The following ADGRL2 variants were observed in gnomAD, a reference collection of about 807,000 sequenced individuals.
ADGRL2 encodes the protein calcium-independent alpha-latrotoxin receptor 2.
A neutral mutation model predicts 157.4 loss-of-function variants in ADGRL2; 44 were observed. The ratio of observed to expected loss-of-function variants is 0.28; its 90% CI spans 0.22 to 0.36. ADGRL2 has a LOEUF of 0.36. Ranked by LOEUF, ADGRL2 falls within the 10% of genes least tolerant of loss-of-function variation. The pLI is 1.00. For synonymous variants in ADGRL2, 585 were observed against 624.7 expected (o/e 0.94, Z 0.95); for missense variants, 1,510 against 1,768.9 (o/e 0.85, Z 2.63).
chr1:81,639,486 T>C (rs1557527574), intron 3 of ADGRL2, among the ~76,000 whole-genome samples: 1 of 143,854 alleles, frequency 7.0e-6, no homozygotes, highest in Non-Finnish European at 1.5e-5. Flanking sequence ...GGAGAACTGC[T>C]TGAGGCCAGG....
chr1:81,471,797 T>G (rs973234864), intron 2 of ADGRL2, among the ~76,000 whole-genome samples: 3 of 152,216 alleles, frequency 2.0e-5, no homozygotes, highest in Non-Finnish European at 2.9e-5. Flanking sequence ...AATTTTATAT[T>G]TCATTTTAAA....
At chr1:81,368,162 C>T (rs1023748027) in intron 1 of ADGRL2, among the ~76,000 whole-genome samples, 4 of 152,262 alleles carry the variant, frequency 2.6e-5, no homozygotes, top group African/African-American at 9.6e-5. Flanking sequence ...AAAAGTGTTC[C>T]TTTTCCTCCA....
Position 81,936,319 on chromosome 1 carries a change from A to G in ADGRL2, c.288-409A>G, listed in dbSNP as rs376738629. On this transcript the variant is annotated intron_variant, in intron 3 of 23. Coordinates refer to ENST00000686636, the MANE Select transcript of ADGRL2 (RefSeq NM_001366006.2). ...GGTTTTGACTCTTACGTTTCTGTTT[A>G]GTTATAGGACCATTTTTAAAAATTG... Among the ~76,000 whole-genome samples the G allele has an allele frequency of 2.2e-4, 33 of 152,014 alleles. No homozygotes were observed. In the East Asian group the frequency reaches 5.6e-3, roughly 26 times the overall value.
chr1:81,786,883 G>C (rs147398741), intron 2 of ADGRL2, among the ~76,000 whole-genome samples: 172 of 152,226 alleles, frequency 1.1e-3, no homozygotes, highest in African/African-American at 3.8e-3. Flanking sequence ...CTGTGATATG[G>C]TTTGGCTCTG....
intron 3 of ADGRL2, among the ~76,000 whole-genome samples, chr1:81,641,116 G>A (rs2082210978): frequency 6.6e-6 from 1 of 152,092 alleles, no homozygotes; most frequent in Admixed American, 6.6e-5. Context: ...ATGAAGTGTT[G>A]CCTGATTCTA....
chr1:81,924,178 G>A (rs546011731), intron 3 of ADGRL2, among the ~76,000 whole-genome samples: 1 of 152,250 alleles, frequency 6.6e-6, no homozygotes, highest in South Asian at 2.1e-4. Flanking sequence ...ATATAACAGG[G>A]AGATCCTGTT....
intron 1 of ADGRL2, among the ~76,000 whole-genome samples, chr1:81,398,629 C>T (rs2076698332): frequency 6.6e-6 from 1 of 152,054 alleles, no homozygotes; most frequent in South Asian, 2.1e-4. Context: ...TTATTTATCC[C>T]TCTTTCTGAA....
intron 1 of ADGRL2, among the ~76,000 whole-genome samples, chr1:81,423,676 A>G (rs1269046968): frequency 1.3e-5 from 2 of 152,210 alleles, no homozygotes; most frequent in African/African-American, 4.8e-5. Flanking sequence ...TTATACACAT[A>G]TATGTACTGT....
chr1:81,858,613 G>A (rs565227090), intron 2 of ADGRL2, among the ~76,000 whole-genome samples: 8 of 152,144 alleles, frequency 5.3e-5, no homozygotes, highest in Non-Finnish European at 7.4e-5. Flanking sequence ...AGCTTCCACC[G>A]ACTGCACAGG....
At chr1:81,816,679 TA>T (rs1352511312) in intron 1 of ADGRL2, among the ~76,000 whole-genome samples, 5 of 151,944 alleles carry the variant, frequency 3.3e-5, no homozygotes, top group Admixed American at 6.6e-5. Flanking sequence ...CCTCCATAGT[TA>T]AAAAGATGTT....
chr1:81,338,212 A>G lies in ADGRL2; in HGVS notation c.-302+31703A>G, dbSNP rs562227985. On this transcript the variant is annotated intron_variant, in intron 1 of 24. Transcript: ENST00000370721. The stretch of plus-strand genomic sequence containing the variant: ...ATCCTGTCTTTACTAAAAATACAAA[A>G]ATTAGCTGGACTCTGTGGTGCCAGC... Among the ~76,000 whole-genome samples, 5 of 152,094 alleles carry G rather than the reference A, an allele frequency of 3.3e-5. No homozygotes were observed. The South Asian group carries it at 1.0e-3, about 32-fold the overall frequency.
chr1:81,966,282 CT>C, intron 12 of ADGRL2, 99 bp downstream of exon 12: 1 of 1,543,372 alleles, frequency 6.5e-7, no homozygotes, highest in Non-Finnish European at 8.8e-7. Context: ...AAAAAAACGG[CT>C]TACCATTTAA....
chr1:81,390,806 T>C (rs1415995907), intron 1 of ADGRL2, among the ~76,000 whole-genome samples: 1 of 152,300 alleles, frequency 6.6e-6, no homozygotes, highest in Non-Finnish European at 1.5e-5. Flanking sequence ...CAACAAAATT[T>C]ATTTAACCAA....
At chr1:81,319,299 T>C (rs1462325563) in intron 1 of ADGRL2, among the ~76,000 whole-genome samples, 1 of 152,192 alleles carries the variant, frequency 6.6e-6, no homozygotes, top group Non-Finnish European at 1.5e-5. Flanking sequence ...GAAAGAATTT[T>C]AAAGCAAATT....
At chr1:81,692,555 G>A (rs2083363842) in intron 3 of ADGRL2, among the ~76,000 whole-genome samples, 1 of 152,160 alleles carries the variant, frequency 6.6e-6, no homozygotes, top group Non-Finnish European at 1.5e-5. Context: ...CAAGACACAA[G>A]TAGGCTTGTG....
chr1:81,321,555 A>G (rs1368896377), intron 1 of ADGRL2, among the ~76,000 whole-genome samples: 1 of 152,166 alleles, frequency 6.6e-6, no homozygotes, highest in Non-Finnish European at 1.5e-5. Context: ...GTGACTTAGA[A>G]AATAAGGAGG....
chr1:81,506,747 C>T (rs1410265378), intron 2 of ADGRL2, among the ~76,000 whole-genome samples: 1 of 149,850 alleles, frequency 6.7e-6, no homozygotes, highest in Non-Finnish European at 1.5e-5. Context: ...CAAAACAAAA[C>T]AAAACAAAAA....
intron 3 of ADGRL2, among the ~76,000 whole-genome samples, chr1:81,611,211 A>C (rs1294092168): frequency 6.6e-6 from 1 of 152,212 alleles, no homozygotes; most frequent in Non-Finnish European, 1.5e-5. Context: ...GCCCTACTAG[A>C]ACAGTCACAG....
At chr1:81,473,227 C>G (rs748666930) in intron 2 of ADGRL2, among the ~76,000 whole-genome samples, 2 of 152,118 alleles carry the variant, frequency 1.3e-5, no homozygotes, top group Non-Finnish European at 2.9e-5. Context: ...TTGCGATTGT[C>G]TCACAGTTTT....
Sources: allele counts gnomAD v4.1 joint callset (sites outside exome capture counted in the v4.1 genomes callset), GRCh38; gene constraint gnomAD v4.1.1; transcripts MANE v1.5; gene names NCBI Gene and HGNC (gene_info 2026-07-23, HGNC 2026-07-21).